Variants in POLR3GL observed in about 807,000 individuals in gnomAD.
POLR3GL encodes DNA-directed RNA polymerase III subunit RPC7-like.
POLR3GL carries 26 observed loss-of-function variants against 32.4 expected under a neutral mutation model. That is an observed-to-expected ratio of 0.80 (90% CI 0.59 to 1.11). The LOEUF (loss-of-function observed/expected upper bound fraction) is 1.11. Ranked by LOEUF, POLR3GL falls within the 50% of genes most tolerant of loss-of-function variation. POLR3GL has a pLI of 0.00. For missense variants in POLR3GL, 229 were observed against 280.1 expected (o/e 0.82, Z 1.30); for synonymous variants, 95 against 98.7 (o/e 0.96, Z 0.22).
intron 1 of POLR3GL, among the ~76,000 whole-genome samples, chr1:145,972,380 CAAAA>C (rs782476722): frequency 1.2e-5 from 1 of 82,526 alleles, no homozygotes. Context: ...AACTCCATCT[CAAAA>C]AAAAAAAAAA....
intron 1 of POLR3GL, 116 bp from the exon 2 acceptor site, chr1:145,974,708 TG>T: frequency 1.6e-6 from 1 of 644,892 alleles, no homozygotes; most frequent in Non-Finnish European, 2.4e-6. Flanking sequence ...AGTCAAAATT[TG>T]TTGAATGACA....
At chr1:145,965,563 C>A (rs1272002620) in intron 1 of POLR3GL, among the ~76,000 whole-genome samples, 1 of 152,090 alleles carries the variant, frequency 6.6e-6, no homozygotes, top group Non-Finnish European at 1.5e-5. Context: ...ATTTATTGAG[C>A]ACCTACTATA....
chr1:145,966,746 G>A (rs1360872913), intron 1 of POLR3GL, among the ~76,000 whole-genome samples: 7 of 151,398 alleles, frequency 4.6e-5, no homozygotes, highest in East Asian at 3.9e-4. Context: ...CTGAGATTGC[G>A]CCATTGCACT....
At chr1:145,977,634 C>G in intron 5 of POLR3GL, 95 bp downstream of exon 5, 1 of 1,347,920 alleles carries the variant, frequency 7.4e-7, no homozygotes. Context: ...ATCCCAGTTC[C>G]TATACCCAAT....
chr1:145,977,584 A>G, intron 5 of POLR3GL, 45 bp downstream of exon 5: 1 of 1,571,090 alleles, frequency 6.4e-7, no homozygotes, highest in South Asian at 1.1e-5. Flanking sequence ...GGTTTCCTTC[A>G]TCAGCCTGAG....
chr1:145,965,147 G>A (rs587765176), intron 1 of POLR3GL, among the ~76,000 whole-genome samples: 53 of 152,252 alleles, frequency 3.5e-4, no homozygotes, highest in Non-Finnish European at 6.8e-4. Flanking sequence ...CCCCGTCTAC[G>A]ATAGCGTTTT....
intron 3 of POLR3GL, 123 bp downstream of exon 3, chr1:145,975,559 T>TA: frequency 9.3e-7 from 1 of 1,075,554 alleles, no homozygotes; most frequent in Non-Finnish European, 1.3e-6. Context: ...TCATAATAGT[T>TA]ACCCCTGTAT....
At chr1:145,967,144 A>T (rs1393086010) in intron 1 of POLR3GL, among the ~76,000 whole-genome samples, 1 of 151,066 alleles carries the variant, frequency 6.6e-6, no homozygotes, top group Non-Finnish European at 1.5e-5. Flanking sequence ...TGTCACTTTC[A>T]TAGGTGAAGA....
In POLR3GL at chr1:145,978,078, T is replaced by G. The variant is rs1553763813; in HGVS notation, c.552T>G (p.Asp184Glu). ...EKEEEEEEEYDEEEHEEETDY... is the reference protein window; with the variant it reads ...EKEEEEEEEYEEEEHEEETDY... The stretch of plus-strand genomic sequence containing the variant: ...AAGAGGAGGAAGAAGAAGAGTATGA[T>G]GAAGAAGAACATGAAGAGGTGAAGG... The change falls in exon 7 of 8, where the codon GAT (aspartate) becomes GAG (glutamate). Residue 184 changes from aspartate (D) to glutamate (E), a missense_variant. By Grantham distance (45) the Asp-to-Glu change is conservative. Coordinates refer to ENST00000369314, the MANE Select transcript of POLR3GL (RefSeq NM_032305.3). The G allele has an allele frequency of 6.2e-7, 1 of 1,601,908 alleles. No individual in the cohort carries two copies. Among genetic ancestry groups the G allele is most frequent in the South Asian group, 1.1e-5 (1 of 89,966 alleles).
intron 7 of POLR3GL, 121 bp downstream of exon 7, chr1:145,978,217 T>G: frequency 7.2e-7 from 1 of 1,397,034 alleles, no homozygotes; most frequent in Non-Finnish European, 9.8e-7. Flanking sequence ...GGCTTCTCTC[T>G]ACTTCATCTG....
At chr1:145,966,006 C>T (rs983360747) in intron 1 of POLR3GL, among the ~76,000 whole-genome samples, 3 of 149,598 alleles carry the variant, frequency 2.0e-5, no homozygotes, top group Middle Eastern at 3.2e-3. Flanking sequence ...ATCCCAGCTA[C>T]TGGGGAGGCT....
At position 145,977,550 on chromosome 1, in the gene POLR3GL, C is replaced by A. The variant is rs781883530; in HGVS notation, c.382+11C>A. On this transcript the variant is annotated intron_variant, in intron 5 of 7. Coordinates refer to ENST00000369314, the MANE Select transcript of POLR3GL (RefSeq NM_032305.3). The stretch of plus-strand genomic sequence containing the variant: ...AGCTACAGAAGGAACGTGAGTGTAT[C>A]TGGAAAAAAGGAGGGAGAAGAGAGG... 9 of 1,612,848 alleles carry A rather than the reference C, an allele frequency of 5.6e-6. No individual in the cohort carries two copies. In the Middle Eastern group the frequency reaches 4.9e-4, roughly 88 times the overall value.
chr1:145,974,796 CT>C, intron 1 of POLR3GL, 28 bp from the exon 2 acceptor site: 1 of 1,390,290 alleles, frequency 7.2e-7, no homozygotes, highest in Non-Finnish European at 9.4e-7. Context: ...TACTACATTT[CT>C]TTTTCTCTTT....
rs781871365 is a variant in POLR3GL, at chr1:145,978,386, T to A, written c.596T>A (p.Phe199Tyr). ...GAAACTGATTACATCATGTCATATT[T>A]TGACAATGGAGAGGACTTTGGTGGT... ...EEETDYIMSY[F>Y]DNGEDFGGDS... Residue 199 changes from phenylalanine (F) to tyrosine (Y), a missense_variant, in exon 8 of 8, where the codon TTT becomes TAT. Physicochemically the swap from Phe to Tyr is conservative, Grantham distance 22. Coordinates refer to ENST00000369314, the MANE Select transcript of POLR3GL (RefSeq NM_032305.3). The A allele has an allele frequency of 1.9e-6, 3 of 1,609,460 alleles. No individual in the cohort carries two copies. Among genetic ancestry groups the A allele is most frequent in the Non-Finnish European group, 2.6e-6 (3 of 1,176,206 alleles).
intron 1 of POLR3GL, among the ~76,000 whole-genome samples, chr1:145,970,602 G>A (rs1302344807): frequency 1.3e-5 from 2 of 151,926 alleles, no homozygotes; most frequent in South Asian, 4.2e-4. Context: ...GGCCGGCCGC[G>A]GTGACTCACG....
intron 1 of POLR3GL, among the ~76,000 whole-genome samples, chr1:145,971,071 A>G (rs1650264874): frequency 6.9e-6 from 1 of 145,012 alleles, no homozygotes; most frequent in South Asian, 2.2e-4. Flanking sequence ...CTGTAATCCC[A>G]GGTACTCAGC....
intron 1 of POLR3GL, among the ~76,000 whole-genome samples, chr1:145,971,981 AAAAAAAAAAT>A (rs1650328051): frequency 7.1e-5 from 9 of 127,456 alleles, no homozygotes; most frequent in Admixed American, 1.6e-4. Flanking sequence ...AAAAAAAAAA[AAAAAAAAAAT>A]ATATATATAT....
chr1:145,966,128 A>C (rs1371639682), intron 1 of POLR3GL, among the ~76,000 whole-genome samples: 1 of 150,864 alleles, frequency 6.6e-6, no homozygotes, highest in African/African-American at 2.4e-5. Flanking sequence ...AAAAAAAAAA[A>C]AAAAAAAAAA....
chr1:145,973,514 C>A (rs1468778587), intron 1 of POLR3GL, among the ~76,000 whole-genome samples: 1 of 151,830 alleles, frequency 6.6e-6, no homozygotes, highest in Non-Finnish European at 1.5e-5. Context: ...GAGTTCGAGA[C>A]CAGCCTGGGT....
Sources: gnomAD v4.1 joint callset for allele counts (sites outside exome capture counted in the v4.1 genomes callset) on GRCh38, gnomAD v4.1.1 for gene constraint, MANE v1.5 for transcripts, NCBI Gene and HGNC (gene_info 2026-07-23, HGNC 2026-07-21) for gene names.